Variants in ARHGAP28 observed in about 807,000 individuals in gnomAD.
The protein encoded by ARHGAP28 is rho GTPase-activating protein 28.
A neutral mutation model predicts 90.7 loss-of-function variants in ARHGAP28; 56 were observed. That is an observed-to-expected ratio of 0.62 (90% CI 0.50 to 0.77). The LOEUF (loss-of-function observed/expected upper bound fraction) is 0.77. Ranked by LOEUF, ARHGAP28 falls within the 30% of genes least tolerant of loss-of-function variation. The pLI is 0.00. For synonymous variants in ARHGAP28, 308 were observed against 323.3 expected (o/e 0.95, Z 0.51); for missense variants, 869 against 900.9 (o/e 0.96, Z 0.45).
intron 1 of ARHGAP28, among the ~76,000 whole-genome samples, chr18:6,811,126 C>T (rs941356624): frequency 6.6e-6 from 1 of 151,968 alleles, no homozygotes; most frequent in Admixed American, 6.6e-5. Context: ...TTACAGAGTT[C>T]TAGTCCAATT....
chr18:6,769,033 T>G (rs1470568893), intron 1 of ARHGAP28, among the ~76,000 whole-genome samples: 1 of 152,170 alleles, frequency 6.6e-6, no homozygotes, highest in African/African-American at 2.4e-5. Context: ...CAATTTCAGC[T>G]TTTATAAATA....
chr18:6,882,248 AC>A lies in ARHGAP28; in HGVS notation c.1404del (p.Ser469LeufsTer14), dbSNP rs779602772. 2 of 1,613,948 alleles carry A rather than the reference AC, an allele frequency of 1.2e-6. No individual in the cohort carries two copies. The highest frequency in any genetic ancestry group is 1.7e-6 in the Non-Finnish European group (2 of 1,179,952). Reference sequence around the variant, plus strand: ...GAAAGCGTTTTTCAGAGAACTACCCACCTCTCTCTTCCCTGTGGAATATATA... The same window carrying A: ...GAAAGCGTTTTTCAGAGAACTACCCACTCTCTCTTCCCTGTGGAATATATA... Reference protein sequence around the residue: ...MLKAFFRELPTSLFPVEYIPA... With the variant: ...MLKAFFRELPXSLFPVEYIPA... On this transcript the variant is annotated frameshift_variant, in exon 11 of 18. Transcript: ENST00000383472. LOFTEE classifies it high-confidence loss of function.
chr18:6,848,007 G>A (rs557938178), intron 3 of ARHGAP28, among the ~76,000 whole-genome samples: 13 of 152,230 alleles, frequency 8.5e-5, no homozygotes, highest in African/African-American at 3.1e-4. Flanking sequence ...AAGCCAAGGA[G>A]CCCCAGGTTT....
At chr18:6,861,948 AT>A (rs1009487379) in intron 5 of ARHGAP28, among the ~76,000 whole-genome samples, 28 of 151,920 alleles carry the variant, frequency 1.8e-4, no homozygotes, top group African/African-American at 6.8e-4. Context: ...TTTTATTTTT[AT>A]TTTCATTTTG....
At chr18:6,751,089 C>G (rs2056065360) in intron 1 of ARHGAP28, among the ~76,000 whole-genome samples, 1 of 152,052 alleles carries the variant, frequency 6.6e-6, no homozygotes, top group Admixed American at 6.6e-5. Context: ...ATCTCAGTAC[C>G]TAGCAACGTA....
At chr18:6,861,959 G>C (rs1171364654) in intron 5 of ARHGAP28, among the ~76,000 whole-genome samples, 2 of 151,958 alleles carry the variant, frequency 1.3e-5, no homozygotes, top group African/African-American at 4.8e-5. Context: ...TTTTCATTTT[G>C]TTTTTTTCTG....
chr18:6,828,113 C>A (rs1021283473), intron 2 of ARHGAP28, among the ~76,000 whole-genome samples: 1 of 152,162 alleles, frequency 6.6e-6, no homozygotes, highest in Non-Finnish European at 1.5e-5. Flanking sequence ...CCTTGGGAGG[C>A]CGAGGCTGGC....
chr18:6,839,145 A>AT (rs1430775392), intron 3 of ARHGAP28, among the ~76,000 whole-genome samples: 2 of 152,176 alleles, frequency 1.3e-5, no homozygotes, highest in Admixed American at 6.5e-5. Context: ...CAACAACCAA[A>AT]TAAATGAAGG....
chr18:6,870,881 A>G (rs537256337), intron 7 of ARHGAP28, 149 bp downstream of exon 7: 43 of 771,010 alleles, frequency 5.6e-5, no homozygotes, highest in Middle Eastern at 8.7e-4. Context: ...GCTCACTGCA[A>G]GCTCTGCCTC....
At chr18:6,839,409 T>TCA (rs1407581653) in intron 3 of ARHGAP28, among the ~76,000 whole-genome samples, 4 of 148,396 alleles carry the variant, frequency 2.7e-5, no homozygotes, top group Non-Finnish European at 5.9e-5. Context: ...TTCTCCCCCC[T>TCA]CAGCCTCCCG....
chr18:6,841,212 T>TCTCTCTC (rs2056823177), intron 3 of ARHGAP28, among the ~76,000 whole-genome samples: 2 of 104,646 alleles, frequency 1.9e-5, no homozygotes, highest in African/African-American at 4.1e-5. Flanking sequence ...TCCTCTCCTC[T>TCTCTCTC]CTCTCTCTCT....
chr18:6,863,824 C>T (rs1422317873), intron 5 of ARHGAP28, among the ~76,000 whole-genome samples: 3 of 150,376 alleles, frequency 2.0e-5, no homozygotes, highest in Admixed American at 1.3e-4. Flanking sequence ...CTATTGTCTC[C>T]CAGGCTGGAG....
chr18:6,906,576 C>CA (rs1236096747), intron 16 of ARHGAP28, among the ~76,000 whole-genome samples: 1 of 151,998 alleles, frequency 6.6e-6, no homozygotes, highest in African/African-American at 2.4e-5. Flanking sequence ...CATCCATAGG[C>CA]AAAAAATAAA....
rs115567957 is a variant in ARHGAP28, at chr18:6,847,718, T to C, written c.544-3316T>C. Among the ~76,000 whole-genome samples the C allele has an allele frequency of 6.6e-3, 1,010 of 151,934 alleles. 11 individuals carry two copies. The highest frequency in any genetic ancestry group is 0.023 in the African/African-American group (949 of 41,412). On this transcript the variant is annotated intron_variant, in intron 3 of 17. Transcript: ENST00000383472. ...ATTGTAAAATATATTAGCTTAAATA[T>C]CAAAAATACATAATCTGGTTTGCCC...
chr18:6,901,145 G>A (rs1184970457), intron 16 of ARHGAP28, among the ~76,000 whole-genome samples: 1 of 152,168 alleles, frequency 6.6e-6, no homozygotes, highest in Non-Finnish European at 1.5e-5. Flanking sequence ...ACTGAAGGAA[G>A]TTCTTAAACA....
intron 1 of ARHGAP28, among the ~76,000 whole-genome samples, chr18:6,773,837 C>T (rs2056262683): frequency 6.6e-6 from 1 of 152,172 alleles, no homozygotes; most frequent in African/African-American, 2.4e-5. Context: ...ATTGTCCTCA[C>T]ACACTGCTTG....
intron 1 of ARHGAP28, among the ~76,000 whole-genome samples, chr18:6,791,871 G>C (rs931778798): frequency 4.1e-5 from 6 of 144,618 alleles, no homozygotes; most frequent in African/African-American, 1.5e-4. Flanking sequence ...TTTGTTTTTT[G>C]AGATGGAGTC....
intron 10 of ARHGAP28, 41 bp from the exon 11 acceptor site, chr18:6,882,096 T>C (rs891723481): frequency 1.9e-6 from 3 of 1,566,708 alleles, no homozygotes; most frequent in Non-Finnish European, 2.6e-6. Context: ...GGTCAGGTGG[T>C]AAAAGTGCAT....
At chr18:6,787,465 A>T (rs2143528485) in intron 1 of ARHGAP28, among the ~76,000 whole-genome samples, 1 of 152,280 alleles carries the variant, frequency 6.6e-6, no homozygotes, top group South Asian at 2.1e-4. Flanking sequence ...GTAGTCTGTT[A>T]ACTGGGGAAA....
Sources: allele counts gnomAD v4.1 joint callset (sites outside exome capture counted in the v4.1 genomes callset), GRCh38; gene constraint gnomAD v4.1.1; transcripts MANE v1.5; gene names NCBI Gene and HGNC (gene_info 2026-07-23, HGNC 2026-07-21).